Variants in PRKG1 observed in about 807,000 individuals in gnomAD.
PRKG1 encodes the protein protein kinase cGMP-dependent 1.
A neutral mutation model predicts 88.1 loss-of-function variants in PRKG1; 35 were observed. That is an observed-to-expected ratio of 0.40 (90% confidence interval 0.30 to 0.53). PRKG1 has a LOEUF of 0.53. Ranked by LOEUF, PRKG1 falls within the 20% of genes least tolerant of loss-of-function variation. PRKG1 has a pLI of 0.59. For missense variants in PRKG1, 540 were observed against 839.8 expected, an observed-to-expected ratio of 0.64 and a Z score of 4.41; for synonymous variants, 303 against 292.5, an observed-to-expected ratio of 1.04 and a Z score of -0.37.
At chr10:52,269,417 C>T (rs1326474121) in intron 10 of PRKG1, among the ~76,000 whole-genome samples, 1 of 152,038 alleles carries the variant, frequency 6.6e-6, no homozygotes. Context: ...ACCCATTTTT[C>T]CCTCTACCTG....
At chr10:51,285,819 T>A (rs1840425689) in intron 2 of PRKG1, among the ~76,000 whole-genome samples, 1 of 152,140 alleles carries the variant, frequency 6.6e-6, no homozygotes, top group South Asian at 2.1e-4. Flanking sequence ...CGTCCCCCGC[T>A]TATGAAACTG....
chr10:51,648,700 A>G (rs1839972199), intron 3 of PRKG1, among the ~76,000 whole-genome samples: 2 of 152,114 alleles, frequency 1.3e-5, no homozygotes, highest in South Asian at 4.1e-4. Context: ...CATTACCAAT[A>G]AGGGTTTTGT....
At chr10:51,094,965 A>G (rs1266150213) in intron 1 of PRKG1, among the ~76,000 whole-genome samples, 2 of 152,164 alleles carry the variant, frequency 1.3e-5, no homozygotes, top group East Asian at 1.9e-4. Flanking sequence ...ACAGCGTAGT[A>G]TACAAATAAA....
chr10:52,271,228 G>A lies in PRKG1; in HGVS notation c.1174-122G>A, dbSNP rs186532565. On this transcript the variant is annotated intron_variant, in intron 10 of 17. Coordinates refer to ENST00000373980, the MANE Select transcript of PRKG1 (RefSeq NM_006258.4). ...CGCAGCTCTACCAAGGATTTACTGT[G>A]TTTTGACTTGGGAGGTGGCTGAGGT... is the stretch of plus-strand genomic sequence containing the variant. 1,106 of 1,031,732 alleles carry A rather than the reference G, an allele frequency of 1.1e-3. 16 individuals carry two copies. In the South Asian group the frequency reaches 0.018, roughly 17 times the overall value. The allele number at this position is 1,031,732 out of a possible 1,614,324, so 63.9% of individuals were successfully genotyped here. A position where few individuals can be genotyped will look rare whatever the true frequency, so the allele number is the denominator to read the frequency against.
chr10:51,877,083 G>C (rs1447958926), intron 4 of PRKG1, among the ~76,000 whole-genome samples: 1 of 152,054 alleles, frequency 6.6e-6, no homozygotes, highest in Non-Finnish European at 1.5e-5. Flanking sequence ...CCCTTTTTGT[G>C]TGTGAATTTA....
chr10:51,033,837 C>A (rs1340807494), intron 1 of PRKG1, among the ~76,000 whole-genome samples: 3 of 133,494 alleles, frequency 2.2e-5, no homozygotes. Flanking sequence ...TTCAGCATTC[C>A]ATTGCATTAT....
chr10:51,072,227 AC>A (rs1035854719), upstream of PRKG1, among the ~76,000 whole-genome samples: 39 of 147,758 alleles, frequency 2.6e-4, no homozygotes, highest in Middle Eastern at 6.9e-3. Context: ...CAAAAAAAAA[AC>A]AAAGAGAAAA....
chr10:51,709,918 GCAA>G (rs375754665), intron 3 of PRKG1, among the ~76,000 whole-genome samples: 12,369 of 152,240 alleles, frequency 0.081, 648 homozygotes, highest in Admixed American at 0.17. Flanking sequence ...TTTCGTAGCA[GCAA>G]GGGTTTGACA....
At chr10:51,917,781 C>G (rs1842375427) in intron 5 of PRKG1, among the ~76,000 whole-genome samples, 2 of 152,100 alleles carry the variant, frequency 1.3e-5, no homozygotes, top group South Asian at 4.1e-4. Flanking sequence ...CAAAGATCTT[C>G]CTAGTTCTAA....
chr10:51,837,284 TTAGAG>T (rs1258049716), intron 4 of PRKG1, among the ~76,000 whole-genome samples: 2 of 152,134 alleles, frequency 1.3e-5, no homozygotes, highest in African/African-American at 2.4e-5. Context: ...AATAAAACAT[TTAGAG>T]TAAAGTTCTC....
At chr10:52,037,721 A>C (rs933130903) in intron 5 of PRKG1, among the ~76,000 whole-genome samples, 6 of 152,182 alleles carry the variant, frequency 3.9e-5, no homozygotes, top group East Asian at 1.9e-4. Flanking sequence ...ACTGTAAGCC[A>C]GACCAGGTGT....
At chr10:51,231,316 G>A (rs1334605447) in intron 2 of PRKG1, among the ~76,000 whole-genome samples, 1 of 152,110 alleles carries the variant, frequency 6.6e-6, no homozygotes, top group African/African-American at 2.4e-5. Flanking sequence ...ACCAGGTACT[G>A]AGCACATTAA....
chr10:51,249,087 A>G (rs980055043), intron 2 of PRKG1, among the ~76,000 whole-genome samples: 1 of 151,830 alleles, frequency 6.6e-6, no homozygotes, highest in Non-Finnish European at 1.5e-5. Context: ...AACATGATAA[A>G]TTTTTTTAAG....
At chr10:51,294,121 T>C (rs570459879) in intron 2 of PRKG1, among the ~76,000 whole-genome samples, 21 of 152,230 alleles carry the variant, frequency 1.4e-4, no homozygotes, top group African/African-American at 4.8e-4. Context: ...GGATATTAAT[T>C]CCTTATCAGG....
chr10:51,009,269 G>A (rs1483539856), intron 1 of PRKG1, among the ~76,000 whole-genome samples: 1 of 152,124 alleles, frequency 6.6e-6, no homozygotes, highest in Admixed American at 6.6e-5. Context: ...TTTCTTTGGT[G>A]TATTTATCTA....
chr10:51,709,874 G>C (rs754685286), intron 3 of PRKG1, among the ~76,000 whole-genome samples: 1 of 152,146 alleles, frequency 6.6e-6, no homozygotes, highest in Non-Finnish European at 1.5e-5. Flanking sequence ...GAAAGTGTTT[G>C]CATCCCCACC....
intron 5 of PRKG1, among the ~76,000 whole-genome samples, chr10:51,953,386 A>T (rs1267767177): frequency 6.6e-6 from 1 of 152,196 alleles, no homozygotes; most frequent in African/African-American, 2.4e-5. Context: ...TTTCACTTGC[A>T]TTCAGTTTCC....
chr10:51,665,297 G>C (rs545044098), intron 3 of PRKG1, among the ~76,000 whole-genome samples: 1 of 151,974 alleles, frequency 6.6e-6, no homozygotes, highest in Non-Finnish European at 1.5e-5. Context: ...CCTAATTTGC[G>C]GTATGAAATG....
At chr10:51,090,103 T>C (rs1263946601) in intron 1 of PRKG1, among the ~76,000 whole-genome samples, 1 of 152,232 alleles carries the variant, frequency 6.6e-6, no homozygotes, top group Non-Finnish European at 1.5e-5. Context: ...GTTCTCACTA[T>C]AAATGAGGAT....
Sources: gnomAD v4.1 joint callset for allele counts (sites outside exome capture counted in the v4.1 genomes callset) on GRCh38, gnomAD v4.1.1 for gene constraint, MANE v1.5 for transcripts, NCBI Gene and HGNC (gene_info 2026-07-23, HGNC 2026-07-21) for gene names.